The following XRN1 variants were observed in gnomAD, a reference collection of about 807,000 sequenced individuals.
The protein encoded by XRN1 is 5'-3' exoribonuclease 1, also known as strand-exchange protein 1 homolog.
A neutral mutation model predicts 222.3 loss-of-function variants in XRN1; 67 were observed. The ratio of observed to expected loss-of-function variants is 0.30; its 90% CI spans 0.25 to 0.37. The LOEUF (loss-of-function observed/expected upper bound fraction) is 0.37, where lower values mean the gene tolerates loss of function less well. Among genes scored for constraint, XRN1 ranks in the 10% least tolerant of loss-of-function variants. XRN1 has a pLI of 1.00. For synonymous variants in XRN1, 643 were observed against 652.4 expected (o/e 0.99, Z 0.22); for missense variants, 1,707 against 2,000.2 (o/e 0.85, Z 2.80).
At chr3:142,435,766 A>C in intron 1 of XRN1, among the ~76,000 whole-genome samples, 1 of 149,578 alleles carries the variant, frequency 6.7e-6, no homozygotes, top group Non-Finnish European at 1.5e-5. Flanking sequence ...ACCCCCCAAA[A>C]AAAAAAAAAA....
In XRN1 at chr3:142,447,992, G is replaced by A; in HGVS notation, c.-48C>T. 1.3e-6 allele frequency: 2 copies of A among 1,590,968 alleles called. No homozygotes were observed. The highest frequency in any genetic ancestry group is 4.5e-5 in the East Asian group (2 of 44,112). On this transcript the variant is annotated 5_prime_UTR_variant, in exon 1 of 41. Transcript: ENST00000392981. This position sits in a 1 kb window ranked among gnomAD's most constrained non-coding sequence, Gnocchi z 4.2. ...AGTCAGGGCCAAACCGAAACCAAAC[G>A]CCCCGCCGGGGCTCCGCCGCAGCCT...
At chr3:142,428,082 T>C (rs2069336069) in intron 2 of XRN1, among the ~76,000 whole-genome samples, 1 of 152,234 alleles carries the variant, frequency 6.6e-6, no homozygotes, top group South Asian at 2.1e-4. Flanking sequence ...CACAAGGTCT[T>C]GGGATATAAC....
rs1328471841 is a variant in XRN1, at chr3:142,307,279, A to C, written c.*4232T>G. On this transcript the variant is annotated 3_prime_UTR_variant, in exon 41 of 41. Coordinates refer to ENST00000392981, the MANE Select transcript of XRN1 (RefSeq NM_001282857.2). Reference sequence around the variant, plus strand: ...ATGAGAATTTGGCTTCAAATTACTAAAACAGCTACAGAAACCTATTTGGCC... The same window carrying C: ...ATGAGAATTTGGCTTCAAATTACTACAACAGCTACAGAAACCTATTTGGCC... 6.6e-6 allele frequency: 1 copy of C among 152,180 alleles called. No homozygotes were observed. The highest frequency in any genetic ancestry group is 2.4e-5 in the African/African-American group (1 of 41,440). The allele number at this position is 152,180 out of a possible 1,614,324, so 9.4% of individuals were successfully genotyped here.
rs967162542 is a variant in XRN1 at position 142,311,045 on chromosome 3, G to T, written c.*466C>A. On this transcript the variant is annotated 3_prime_UTR_variant, in exon 41 of 41. Coordinates refer to ENST00000392981, the MANE Select transcript of XRN1 (RefSeq NM_001282857.2). ...GACAATTTTCTTACATCATTAAAAA[G>T]AGAAATAAAATCCACATTCAGTAAG... 6.5e-6 allele frequency: 1 copy of T among 152,730 alleles called. No homozygotes were observed. The highest frequency in any genetic ancestry group is 6.5e-5 in the Admixed American group (1 of 15,294). 9.5% of individuals were successfully genotyped at this position (152,730 alleles called of 1,614,324 possible). A position where few individuals can be genotyped will look rare whatever the true frequency, so the allele number is the denominator to read the frequency against.
intron 29 of XRN1, among the ~76,000 whole-genome samples, chr3:142,363,123 G>A (rs186697671): frequency 1.1e-3 from 164 of 151,982 alleles, no homozygotes; most frequent in African/African-American, 3.4e-3. Flanking sequence ...TATCGTTACC[G>A]AATTCTAGGT....
At chr3:142,431,873 T>TA (rs2069562597) in intron 2 of XRN1, among the ~76,000 whole-genome samples, 1 of 23,062 alleles carries the variant, frequency 4.3e-5, no homozygotes, top group African/African-American at 3.8e-4. Flanking sequence ...TAATATATTA[T>TA]ATTATATATA....
intron 29 of XRN1, among the ~76,000 whole-genome samples, chr3:142,362,767 C>T (rs767641544): frequency 5.1e-4 from 60 of 118,704 alleles, no homozygotes; most frequent in Non-Finnish European, 7.6e-4. Flanking sequence ...TCTTCCTTTT[C>T]TCTCTCTCTC....
intron 3 of XRN1, chr3:142,426,442 C>T: frequency 8.7e-6 from 2 of 230,368 alleles, no homozygotes; most frequent in Non-Finnish European, 1.7e-5. Flanking sequence ...AAATAAATGG[C>T]AGGAATAGGA....
chr3:142,373,090 A>G (rs1405667446), intron 25 of XRN1, among the ~76,000 whole-genome samples: 1 of 152,266 alleles, frequency 6.6e-6, no homozygotes, highest in Non-Finnish European at 1.5e-5. Context: ...GAGGAAAAAA[A>G]GCAATTAGAG....
Position 142,384,540 on chromosome 3 carries a change from A to T in XRN1, c.2485T>A (p.Tyr829Asn), listed in dbSNP as rs1193275521. ...QWSKQVVPFV[Y>N]QTIVKDIRAF... The stretch of plus-strand genomic sequence containing the variant: ...AGACTTACCTTGACAATAGTTTGAT[A>T]AACAAAAGGAACAACTTGTTTTGAC... Residue 829 changes from tyrosine to asparagine, a missense_variant, in exon 21 of 41, where the codon TAT becomes AAT. Transcript: ENST00000392981. 20 of 1,610,448 alleles carry T rather than the reference A, an allele frequency of 1.2e-5. No individual in the cohort carries two copies. Among genetic ancestry groups the T allele is most frequent in the Admixed American group, 1.7e-5 (1 of 59,380 alleles).
chr3:142,361,302 T>C (rs1418956470), intron 29 of XRN1, among the ~76,000 whole-genome samples: 1 of 152,204 alleles, frequency 6.6e-6, no homozygotes, highest in Non-Finnish European at 1.5e-5. Flanking sequence ...GGGATTTAGA[T>C]TATTTCTAGT....
At chr3:142,428,537 A>G (rs1462025533) in intron 2 of XRN1, among the ~76,000 whole-genome samples, 1 of 152,228 alleles carries the variant, frequency 6.6e-6, no homozygotes, top group South Asian at 2.1e-4. Context: ...GAAGTAATCT[A>G]GATTAAGATA....
intron 25 of XRN1, 123 bp downstream of exon 25, chr3:142,375,675 G>GTAAC: frequency 3.1e-6 from 3 of 977,228 alleles, no homozygotes; most frequent in Non-Finnish European, 4.2e-6. Flanking sequence ...AAGTTTACAT[G>GTAAC]TAACATATGC....
Position 142,309,758 on chromosome 3 carries a change from C to T in XRN1, c.*1753G>A, listed in dbSNP as rs921786990. ...CAAATTCTCAATGCTGGAGTTTGTA[C>T]AGCTGAGGTGAAACATTTCACACTT... is the stretch of plus-strand genomic sequence containing the variant. On this transcript the variant is annotated 3_prime_UTR_variant, in exon 41 of 41. Coordinates refer to ENST00000392981, the MANE Select transcript of XRN1 (RefSeq NM_001282857.2). 7 of 152,184 alleles carry T rather than the reference C, an allele frequency of 4.6e-5. No homozygotes were observed. Among genetic ancestry groups the T allele is most frequent in the African/African-American group, 1.7e-4 (7 of 41,442 alleles). The allele number at this position is 152,184 out of a possible 1,614,324, so 9.4% of individuals were successfully genotyped here.
chr3:142,345,678 T>C (rs554295806), intron 33 of XRN1, among the ~76,000 whole-genome samples: 75 of 152,272 alleles, frequency 4.9e-4, no homozygotes, highest in Middle Eastern at 3.4e-3. Flanking sequence ...ATATCTAGCA[T>C]GTATAAAGAA....
chr3:142,333,286 G>T lies in XRN1; in HGVS notation c.3940-197C>A, dbSNP rs147916313. Reference sequence around the variant, plus strand: ...TTGGATAACCAGTCACAACCTTTTGGGTTTCTGAGACTTCTGGACTTTCAT... The same window carrying T: ...TTGGATAACCAGTCACAACCTTTTGTGTTTCTGAGACTTCTGGACTTTCAT... On this transcript the variant is annotated intron_variant, in intron 34 of 40. Transcript: ENST00000392981. Among the ~76,000 whole-genome samples, 144 of 152,040 alleles carry T rather than the reference G, an allele frequency of 9.5e-4. 1 individual carries two copies. Among genetic ancestry groups the T allele is most frequent in the Middle Eastern group, 3.4e-3 (1 of 294 alleles).
chr3:142,404,192 C>G (rs998424484), intron 16 of XRN1, among the ~76,000 whole-genome samples: 1 of 152,018 alleles, frequency 6.6e-6, no homozygotes, highest in Non-Finnish European at 1.5e-5. Context: ...CTGTAGATTA[C>G]TAAGTTGAGA....
At position 142,333,005 on chromosome 3, in the gene XRN1, G is replaced by C; in HGVS notation, c.4024C>G (p.Pro1342Ala). 1 of 1,613,808 alleles carries C rather than the reference G, an allele frequency of 6.2e-7. No individual in the cohort carries two copies. The highest frequency in any genetic ancestry group is 2.2e-5 in the East Asian group (1 of 44,832). The change falls in exon 35 of 41, where the codon CCA becomes GCA. Residue 1342 changes from proline to alanine, a missense_variant. Around this residue, in one of 2 missense-constraint regions of XRN1, gnomAD observed 473 missense variants for 482.0 expected, o/e 0.98. Coordinates refer to ENST00000392981, the MANE Select transcript of XRN1 (RefSeq NM_001282857.2). ...EVQSSHHGEP[P>A]SEEHLSPQSF... Reference sequence around the variant, plus strand: ...TGTGGTGACAAATGCTCTTCACTTGGAGGCTCCCCATGATGAGATGACTGT... The same window carrying C: ...TGTGGTGACAAATGCTCTTCACTTGCAGGCTCCCCATGATGAGATGACTGT...
chr3:142,375,576 C>T (rs2107907759), intron 25 of XRN1, among the ~76,000 whole-genome samples: 1 of 152,156 alleles, frequency 6.6e-6, no homozygotes, highest in Admixed American at 6.5e-5. Context: ...CTAAAGAGGG[C>T]AATTTTCATT....
Sources: gnomAD v4.1 joint callset for allele counts (sites outside exome capture counted in the v4.1 genomes callset) on GRCh38, gnomAD v4.1.1 for gene constraint, gnomAD v4.1.1 regional missense constraint, Gnocchi (gnomAD v3.1) non-coding constraint, MANE v1.5 for transcripts, NCBI Gene and HGNC (gene_info 2026-07-23, HGNC 2026-07-21) for gene names.